SNCAIP: variants seen among roughly 807,000 people sequenced by gnomAD.
The protein encoded by SNCAIP is synphilin-1.
SNCAIP carries 43 observed loss-of-function variants against 86.7 expected under a neutral mutation model. The ratio of observed to expected loss-of-function variants is 0.50; its 90% CI spans 0.39 to 0.64. The LOEUF (loss-of-function observed/expected upper bound fraction) is 0.64. Among genes scored for constraint, SNCAIP ranks in the 30% least tolerant of loss-of-function variants. The probability of loss-of-function intolerance (pLI) is 0.00; values close to 1 mark genes in which losing one functional copy is unlikely to be tolerated. For synonymous variants in SNCAIP, 417 were observed against 427.2 expected (o/e 0.98, Z 0.29); for missense variants, 981 against 1,103.1 (o/e 0.89, Z 1.57).
chr5:122,382,341 T>C (rs1000481104), intron 1 of SNCAIP, among the ~76,000 whole-genome samples: 3 of 152,264 alleles, frequency 2.0e-5, no homozygotes, highest in Non-Finnish European at 4.4e-5. Flanking sequence ...CATTGGCTCC[T>C]GAGACTTCTG....
At chr5:122,384,879 C>T (rs185695094) in intron 1 of SNCAIP, among the ~76,000 whole-genome samples, 1 of 152,216 alleles carries the variant, frequency 6.6e-6, no homozygotes, top group African/African-American at 2.4e-5. Flanking sequence ...ACCCCACCCT[C>T]ACCATCACGC....
At chr5:122,446,312 A>G (rs758321303) in intron 8 of SNCAIP, among the ~76,000 whole-genome samples, 1 of 152,264 alleles carries the variant, frequency 6.6e-6, no homozygotes, top group African/African-American at 2.4e-5. Context: ...CAAGTAATGT[A>G]TGGACATATC....
In SNCAIP at chr5:122,444,712, G is replaced by C; in HGVS notation, c.1572G>C (p.Lys524Asn). The change falls in exon 8 of 11, where the codon AAG (lysine) becomes AAC (asparagine). Residue 524 changes from lysine (K) to asparagine (N), a missense_variant. Coordinates refer to ENST00000261368, the MANE Select transcript of SNCAIP (RefSeq NM_005460.4). ...TGTCGCTGGCCTCTCAAGTGGTGAA[G>C]TTAACCAAGCAGCTAAAGGAGTAAG... ...TCMSLASQVVKLTKQLKEQTV... is the reference protein window; with the variant it reads ...TCMSLASQVVNLTKQLKEQTV... The C allele has an allele frequency of 6.2e-7, 1 of 1,613,938 alleles. No homozygotes were observed. The highest frequency in any genetic ancestry group is 1.1e-5 in the South Asian group (1 of 91,070).
At chr5:122,366,091 A>G (rs1763131431) in intron 1 of SNCAIP, among the ~76,000 whole-genome samples, 1 of 152,232 alleles carries the variant, frequency 6.6e-6, no homozygotes, top group Non-Finnish European at 1.5e-5. Context: ...AATATTTTAT[A>G]CAGAGGAAAA....
At chr5:122,394,097 T>G (rs1770061713) in intron 2 of SNCAIP, among the ~76,000 whole-genome samples, 1 of 152,166 alleles carries the variant, frequency 6.6e-6, no homozygotes, top group Non-Finnish European at 1.5e-5. Flanking sequence ...TCTTTTTTTT[T>G]TTTGATACCA....
intron 1 of SNCAIP, among the ~76,000 whole-genome samples, chr5:122,358,591 A>G (rs951370281): frequency 6.6e-6 from 1 of 152,028 alleles, no homozygotes; most frequent in Non-Finnish European, 1.5e-5. Context: ...TCCACTGTGT[A>G]TGCACAAGAT....
chr5:122,351,412 C>A (rs1759752424), intron 1 of SNCAIP, among the ~76,000 whole-genome samples: 1 of 151,636 alleles, frequency 6.6e-6, no homozygotes, highest in Admixed American at 6.6e-5. Flanking sequence ...TGGCATGCAC[C>A]TGTAATCCCA....
chr5:122,402,805 C>A (rs1439742339), intron 2 of SNCAIP, among the ~76,000 whole-genome samples: 1 of 152,102 alleles, frequency 6.6e-6, no homozygotes, highest in African/African-American at 2.4e-5. Flanking sequence ...TCAATCCCCC[C>A]AAATTTTGCA....
intron 3 of SNCAIP, among the ~76,000 whole-genome samples, chr5:122,408,749 A>C (rs976320867): frequency 6.6e-6 from 1 of 152,224 alleles, no homozygotes; most frequent in African/African-American, 2.4e-5. Context: ...CTGCCTGTGC[A>C]TGGAGATGCA....
intron 9 of SNCAIP, 115 bp downstream of exon 9, chr5:122,450,052 A>T: frequency 1.3e-6 from 1 of 755,402 alleles, no homozygotes; most frequent in Non-Finnish European, 2.3e-6. Flanking sequence ...TTTTCTTCTT[A>T]TAAAGAGGAA....
chr5:122,409,375 C>T (rs918218832), intron 3 of SNCAIP, among the ~76,000 whole-genome samples: 1 of 152,320 alleles, frequency 6.6e-6, no homozygotes, highest in Non-Finnish European at 1.5e-5. Flanking sequence ...CTTTCAACAT[C>T]TGTATCTGCT....
chr5:122,453,125 A>C (rs1784048291), intron 10 of SNCAIP: 1 of 581,298 alleles, frequency 1.7e-6, no homozygotes, highest in Non-Finnish European at 3.1e-6. Context: ...AATTACAACT[A>C]TTCCCCCAAG....
chr5:122,404,175 T>C (rs537148184), intron 3 of SNCAIP, among the ~76,000 whole-genome samples: 4 of 152,144 alleles, frequency 2.6e-5, no homozygotes, highest in South Asian at 2.1e-4. Context: ...CGAGAAACCA[T>C]TGGTGACAAA....
At chr5:122,326,568 T>C (rs954062574) in intron 1 of SNCAIP, among the ~76,000 whole-genome samples, 8 of 150,834 alleles carry the variant, frequency 5.3e-5, no homozygotes, top group Non-Finnish European at 8.9e-5. Context: ...AAGTATTCTC[T>C]TATAGAATAG....
intron 1 of SNCAIP, among the ~76,000 whole-genome samples, chr5:122,322,728 C>A (rs904679013): frequency 1.3e-5 from 2 of 152,156 alleles, no homozygotes; most frequent in African/African-American, 4.8e-5. Context: ...GCCAATAATT[C>A]CACAAAGTAA....
chr5:122,451,384 G>C lies in SNCAIP; in HGVS notation c.2537G>C (p.Arg846Pro), dbSNP rs780740677. 19 of 1,614,002 alleles carry C rather than the reference G, an allele frequency of 1.2e-5. No individual in the cohort carries two copies. Among genetic ancestry groups the C allele is most frequent in the Non-Finnish European group, 1.5e-5 (18 of 1,180,024 alleles). ...KDKDKGRTLQ[R>P]TSTSNESGDQ... ...AAAGATAAGGGCAGGACTCTCCAGC[G>C]GACCTCCACAAGTAACGAATCGGGG... Residue 846 changes from arginine (R) to proline (P), a missense_variant, in exon 10 of 11, where the codon CGG becomes CCG. By Grantham distance (103) the Arg-to-Pro change is moderately radical (BLOSUM62 -2). Coordinates refer to ENST00000261368, the MANE Select transcript of SNCAIP (RefSeq NM_005460.4).
Position 122,360,373 on chromosome 5 carries a change from A to T in SNCAIP, c.-46-30716A>T, listed in dbSNP as rs77055335. 7.4e-3 allele frequency among the ~76,000 whole-genome samples: 1,130 copies of T among 152,298 alleles called. 38 individuals carry two copies. Among genetic ancestry groups the T allele is most frequent in the East Asian group, 0.054 (280 of 5,186 alleles). On this transcript the variant is annotated intron_variant, in intron 1 of 10. Coordinates refer to ENST00000261368, the MANE Select transcript of SNCAIP (RefSeq NM_005460.4). ...GGCTCCTCAGCCTGCCCCAGAAACT[A>T]CATTTCAGTTTCTTTCTTGTGGACG...
At chr5:122,348,005 G>A (rs1758964236) in intron 1 of SNCAIP, among the ~76,000 whole-genome samples, 1 of 152,048 alleles carries the variant, frequency 6.6e-6, no homozygotes, top group South Asian at 2.1e-4. Context: ...TAGATAGTTT[G>A]TTGTTACATC....
intron 3 of SNCAIP, among the ~76,000 whole-genome samples, chr5:122,406,910 A>G (rs1773125183): frequency 6.6e-6 from 1 of 152,226 alleles, no homozygotes; most frequent in South Asian, 2.1e-4. Context: ...CCTTTCTAGA[A>G]TAGTTACACA....
Sources: allele counts gnomAD v4.1 joint callset (sites outside exome capture counted in the v4.1 genomes callset), GRCh38; gene constraint gnomAD v4.1.1; transcripts MANE v1.5; gene names NCBI Gene and HGNC (gene_info 2026-07-23, HGNC 2026-07-21).